The following COBL variants were observed in gnomAD, a reference collection of about 807,000 sequenced individuals.
COBL encodes cordon-bleu WH2 repeat protein.
COBL carries 51 observed loss-of-function variants against 98.8 expected under a neutral mutation model. That is an observed-to-expected ratio of 0.52 (90% confidence interval 0.41 to 0.65). The LOEUF (loss-of-function observed/expected upper bound fraction) is 0.65, where lower values mean the gene tolerates loss of function less well. COBL is among the 30% of genes least tolerant of loss of function. The pLI is 0.00. For synonymous variants in COBL, 634 were observed against 651.7 expected, an observed-to-expected ratio of 0.97 and a Z score of 0.41; for missense variants, 1,617 against 1,617.5, an observed-to-expected ratio of 1.00 and a Z score of 0.01.
At chr7:51,233,547 G>A (rs1055570139) in intron 1 of COBL, among the ~76,000 whole-genome samples, 4 of 152,172 alleles carry the variant, frequency 2.6e-5, no homozygotes, top group Non-Finnish European at 2.9e-5. Flanking sequence ...CAGGCCGTGC[G>A]CTCTGAAAGG....
intron 6 of COBL, among the ~76,000 whole-genome samples, chr7:51,099,117 A>T (rs1456123169): frequency 1.3e-5 from 2 of 152,018 alleles, no homozygotes; most frequent in African/African-American, 4.8e-5. Flanking sequence ...GAGAGAAAAC[A>T]AGTGTTGGTG....
At chr7:51,044,699 G>C (rs1266676261) in intron 7 of COBL, among the ~76,000 whole-genome samples, 1 of 152,142 alleles carries the variant, frequency 6.6e-6, no homozygotes, top group African/African-American at 2.4e-5. Flanking sequence ...CCCCTAAATA[G>C]TCACTGGATG....
rs937502125 is a variant in COBL at position 51,316,741 on chromosome 7, G to C, written c.-108C>G. ...TTCACTTTTTCCGCGCTGACCCATC[G>C]TCCTCCCACGCGGGCCGGCGGAGGA... On this transcript the variant is annotated 5_prime_UTR_variant, in exon 1 of 13. Transcript: ENST00000265136. 287 of 878,510 alleles carry C rather than the reference G, an allele frequency of 3.3e-4. No homozygotes were observed. The African/African-American group carries it at 4.3e-3, about 13-fold the overall frequency. 54.4% of individuals were successfully genotyped at this position (878,510 alleles called of 1,614,324 possible). A position where few individuals can be genotyped will look rare whatever the true frequency, so the allele number is the denominator to read the frequency against.
At chr7:51,295,838 C>T (rs1801375772) in intron 1 of COBL, among the ~76,000 whole-genome samples, 2 of 152,192 alleles carry the variant, frequency 1.3e-5, no homozygotes, top group African/African-American at 4.8e-5. Flanking sequence ...CTTCTTTACC[C>T]TCCTAAGTGA....
At chr7:51,102,104 A>G (rs2043730) in intron 6 of COBL, among the ~76,000 whole-genome samples, 90,588 of 152,040 alleles carry the variant, frequency 0.6, 27,070 homozygotes, top group Middle Eastern at 0.73. Flanking sequence ...TTCTGGCGCC[A>G]TGATCGTGGA....
intron 5 of COBL, among the ~76,000 whole-genome samples, 194 bp from the exon 6 acceptor site, chr7:51,136,525 C>G (rs931388956): frequency 1.2e-4 from 19 of 152,192 alleles, no homozygotes; most frequent in African/African-American, 4.6e-4. Flanking sequence ...TGCTGCAGGA[C>G]AGACTCATGC....
At chr7:51,273,308 A>G (rs1031564649) in intron 1 of COBL, among the ~76,000 whole-genome samples, 2 of 150,850 alleles carry the variant, frequency 1.3e-5, no homozygotes, top group African/African-American at 4.9e-5. Flanking sequence ...AGCCTGGGCA[A>G]CAGAATAAGA....
intron 1 of COBL, among the ~76,000 whole-genome samples, chr7:51,233,392 G>C (rs1210510743): frequency 6.6e-6 from 1 of 150,454 alleles, no homozygotes; most frequent in Non-Finnish European, 1.5e-5. Flanking sequence ...CTTCACCAAG[G>C]CACCCAAAAT....
intron 1 of COBL, among the ~76,000 whole-genome samples, chr7:51,263,758 A>G (rs938759530): frequency 1.3e-5 from 2 of 152,214 alleles, no homozygotes; most frequent in African/African-American, 4.8e-5. Context: ...GACTGGTTTT[A>G]TTGGATTGTG....
chr7:51,043,434 G>A lies in COBL; in HGVS notation c.1355C>T (p.Pro452Leu), dbSNP rs1360454468. ...QDLAGTPDLG[P>L]QKSPLWEKNG... ...CTTCTCCCACAAGGGGCTCTTCTGG[G>A]GACCCAGGTCTGGGGTTCCAGCGAG... Residue 452 changes from proline to leucine, a missense_variant, in exon 8 of 13, where the codon CCC becomes CTC. Coordinates refer to ENST00000265136, the MANE Select transcript of COBL (RefSeq NM_015198.5). The A allele has an allele frequency of 3.1e-6, 5 of 1,614,238 alleles. No homozygotes were observed. Among genetic ancestry groups the A allele is most frequent in the Non-Finnish European group, 4.2e-6 (5 of 1,180,058 alleles).
chr7:51,305,977 A>C (rs1802436845), intron 1 of COBL, among the ~76,000 whole-genome samples: 1 of 152,142 alleles, frequency 6.6e-6, no homozygotes, highest in South Asian at 2.1e-4. Context: ...TAGAGGTTGC[A>C]GTGAGCTGAG....
intron 1 of COBL, among the ~76,000 whole-genome samples, chr7:51,230,698 C>T (rs138858110): frequency 1.1e-3 from 170 of 152,358 alleles, no homozygotes; most frequent in African/African-American, 3.8e-3. Flanking sequence ...AATGCAAACA[C>T]GTTAGTGGTC....
chr7:51,218,506 A>G (rs1793312216), intron 2 of COBL, among the ~76,000 whole-genome samples: 1 of 152,116 alleles, frequency 6.6e-6, no homozygotes, highest in Non-Finnish European at 1.5e-5. Flanking sequence ...ATGAAGTTTC[A>G]CTCGTTGCCC....
intron 1 of COBL, among the ~76,000 whole-genome samples, chr7:51,304,193 C>T (rs1199261181): frequency 6.6e-6 from 1 of 152,210 alleles, no homozygotes; most frequent in African/African-American, 2.4e-5. Flanking sequence ...GCCCTCACAA[C>T]ATCCAAGAAC....
intron 1 of COBL, among the ~76,000 whole-genome samples, chr7:51,231,063 T>C (rs1794695605): frequency 6.6e-6 from 1 of 152,190 alleles, no homozygotes; most frequent in Admixed American, 6.5e-5. Context: ...AACTAGTGAG[T>C]GAACTAACAC....
chr7:51,294,627 G>C (rs1232330432), intron 1 of COBL, among the ~76,000 whole-genome samples: 1 of 132,822 alleles, frequency 7.5e-6, no homozygotes, highest in Non-Finnish European at 1.6e-5. Flanking sequence ...TGGGCGACAA[G>C]AGTGAAACTC....
chr7:51,185,413 G>A (rs1294962414), intron 4 of COBL, among the ~76,000 whole-genome samples: 3 of 152,146 alleles, frequency 2.0e-5, no homozygotes, highest in Admixed American at 6.5e-5. Flanking sequence ...GGCACACTTC[G>A]GAAAACCACT....
intron 5 of COBL, among the ~76,000 whole-genome samples, chr7:51,137,371 T>C (rs1305725440): frequency 1.3e-5 from 2 of 152,190 alleles, no homozygotes; most frequent in East Asian, 1.9e-4. Context: ...GGGTAAATAA[T>C]AGTTCCTGCA....
intron 4 of COBL, among the ~76,000 whole-genome samples, chr7:51,190,442 C>T (rs1373005239): frequency 6.6e-6 from 1 of 152,146 alleles, no homozygotes; most frequent in Non-Finnish European, 1.5e-5. Flanking sequence ...TCTTGAACTC[C>T]TGAGCTCAAG....
Sources: gnomAD v4.1 joint callset for allele counts (sites outside exome capture counted in the v4.1 genomes callset) on GRCh38, gnomAD v4.1.1 for gene constraint, MANE v1.5 for transcripts, NCBI Gene and HGNC (gene_info 2026-07-23, HGNC 2026-07-21) for gene names.